Variants in KLK4 observed in about 807,000 individuals in gnomAD.
KLK4 encodes kallikrein-4.
Under a neutral mutation model 24.3 loss-of-function variants are expected in KLK4, and 24 were observed. The ratio of observed to expected loss-of-function variants is 0.99; its 90% CI spans 0.72 to 1.39. The LOEUF (loss-of-function observed/expected upper bound fraction) is 1.39. KLK4 is among the 40% of genes most tolerant of loss of function. KLK4 has a pLI of 0.00. For missense variants in KLK4, 344 were observed against 327.4 expected, an observed-to-expected ratio of 1.05 and a Z score of -0.39; for synonymous variants, 142 against 138.8, an observed-to-expected ratio of 1.02 and a Z score of -0.16.
rs2090462615 is a variant in KLK4 at position 50,909,103 on chromosome 19, T to TC, written c.224+148dup. 3 of 1,375,514 alleles carry TC rather than the reference T, an allele frequency of 2.2e-6. No homozygotes were observed. In the Admixed American group the frequency reaches 8.4e-5, roughly 39 times the overall value. The allele number at this position is 1,375,514 out of a possible 1,614,324, so 85.2% of individuals were successfully genotyped here. A position where few individuals can be genotyped will look rare whatever the true frequency, so the allele number is the denominator to read the frequency against. ...AGCAAGATTCCCGCCTCCCAGCCCT[T>TC]CCCTCTGGGGCTCCCCGGATCCAGG... On this transcript the variant is annotated intron_variant, in intron 3 of 5. Coordinates refer to ENST00000324041, the Ensembl canonical transcript of KLK4.
At chr19:50,907,464 T>C (rs918427648) in intron 5 of KLK4, among the ~76,000 whole-genome samples, 2 of 148,200 alleles carry the variant, frequency 1.3e-5, no homozygotes, top group Non-Finnish European at 3.0e-5. Context: ...TGGAGTATAG[T>C]GGTGTGATCT....
chr19:50,909,070 C>T (rs2978643), intron 3 of KLK4, 182 bp downstream of exon 3: 1 of 1,480,564 alleles, frequency 6.8e-7, no homozygotes, highest in Admixed American at 2.2e-5. Context: ...CTCTCTGAGT[C>T]CTTCCGAAGC....
At chr19:50,908,781 C>T (rs1190858971) in exon 4 of KLK4, 4 of 1,613,510 alleles carry the variant, frequency 2.5e-6, no homozygotes, top group Middle Eastern at 1.6e-4. Context: ...GGCTCCCTGG[C>T]TCTTGGTCGG....
exon 4 of KLK4, chr19:50,908,579 C>G: frequency 1.9e-6 from 3 of 1,614,204 alleles, no homozygotes; most frequent in Non-Finnish European, 2.5e-6. Context: ...GTGAGCTCAC[C>G]GTTCGCCAGC....
chr19:50,909,420 G>T lies in KLK4; in HGVS notation c.62-6C>A, dbSNP rs2090466304. ...GCTACCAGAGACGAGCGATCCTGAG[G>T]GCGGAGTCAGGGATGGGATCGGGAC... On this transcript the variant is annotated splice_polypyrimidine_tract_variant and splice_region_variant and intron_variant, in intron 2 of 5. Transcript: ENST00000324041. 2 of 1,613,926 alleles carry T rather than the reference G, an allele frequency of 1.2e-6. No homozygotes were observed. The highest frequency in any genetic ancestry group is 2.2e-5 in the East Asian group (1 of 44,876).
In KLK4 at chr19:50,909,411, G is replaced by T. The variant is rs1224760405; in HGVS notation, c.65C>A (p.Ser22Ter). The change falls in exon 3 of 6, where the codon TCG (serine) becomes TAG (stop). Residue 22 changes from serine to a stop codon, truncating the protein, a stop_gained. Transcript: ENST00000324041. LOFTEE classifies it high-confidence loss of function. ...TTGGCTGCAGCTACCAGAGACGAGC[G>T]ATCCTGAGGGCGGAGTCAGGGATGG... is the stretch of plus-strand genomic sequence containing the variant. 1.2e-6 allele frequency: 2 copies of T among 1,613,990 alleles called. No individual in the cohort carries two copies. The highest frequency in any genetic ancestry group is 1.6e-4 in the Middle Eastern group (1 of 6,062).
chr19:50,909,594 G>T (rs559626446), intron 2 of KLK4, among the ~76,000 whole-genome samples, 180 bp from the exon 3 acceptor site: 1 of 150,218 alleles, frequency 6.7e-6, no homozygotes, highest in African/African-American at 2.4e-5. Flanking sequence ...AGGGGTTACC[G>T]AGCAGGGGCG....
intron 2 of KLK4, among the ~76,000 whole-genome samples, chr19:50,909,668 AG>A (rs1306155634): frequency 7.3e-6 from 1 of 136,812 alleles, no homozygotes; most frequent in Admixed American, 7.1e-5. Context: ...GGGCGGGCCC[AG>A]GGGGCGGACC....
chr19:50,909,649 C>A lies in KLK4; in HGVS notation c.62-235G>T, dbSNP rs1327998636. On this transcript the variant is annotated intron_variant, in intron 2 of 5. Coordinates refer to ENST00000324041, the Ensembl canonical transcript of KLK4. ...AGTCAGGACTCTTGGGGGGCCGAGT[C>A]AGGGCTGGGGGCGGGCCCAGGGGGC... Among the ~76,000 whole-genome samples the A allele has an allele frequency of 2.8e-5, 4 of 141,610 alleles. 1 individual carries two copies. The East Asian group carries it at 6.3e-4, about 22-fold the overall frequency. 92.9% of individuals were successfully genotyped at this position (141,610 alleles called of 152,430 possible). A position where few individuals can be genotyped will look rare whatever the true frequency, so the allele number is the denominator to read the frequency against.
intron 1 of KLK4, among the ~76,000 whole-genome samples, chr19:50,911,035 G>A (rs1240980750): frequency 6.6e-6 from 1 of 152,166 alleles, no homozygotes; most frequent in African/African-American, 2.4e-5. Flanking sequence ...GGGAGAGATG[G>A]TGTCTAGCCA....
rs1764444179 is a variant in KLK4 at position 50,910,698 on chromosome 19, T to A, written c.41A>T (p.Tyr14Phe). 1.3e-6 allele frequency: 2 copies of A among 1,555,672 alleles called. No individual in the cohort carries two copies. The highest frequency in any genetic ancestry group is 4.8e-5 in the East Asian group (2 of 41,462). ...GATACCTGCGACACCAAGGATGAGGTACCCCAGGAACCAGCCCCAGGGATT... is the reference window on the plus strand; with the variant it reads ...GATACCTGCGACACCAAGGATGAGGAACCCCAGGAACCAGCCCCAGGGATT... Residue 14 changes from tyrosine (Y) to phenylalanine (F), a missense_variant, in exon 2 of 6, where the codon TAC becomes TTC. Tyr to Phe is a conservative substitution (Grantham distance 22). Transcript: ENST00000324041. The surrounding 1 kb of genome is among the most constrained non-coding windows in gnomAD (Gnocchi z 4.4).
chr19:50,908,797 A>G (rs777376933), exon 4 of KLK4: 1 of 1,613,552 alleles, frequency 6.2e-7, no homozygotes, highest in Non-Finnish European at 8.5e-7. Flanking sequence ...GTCGGCCTCA[A>G]GACTGTGCAG....
At position 50,910,559 on chromosome 19, in the gene KLK4, C is replaced by T. The variant is rs578182673; in HGVS notation, c.61+119G>A. 32 of 916,132 alleles carry T rather than the reference C, an allele frequency of 3.5e-5. No homozygotes were observed. Among genetic ancestry groups the T allele is most frequent in the South Asian group, 2.8e-4 (20 of 70,982 alleles). The allele number at this position is 916,132 out of a possible 1,614,324, so 56.8% of individuals were successfully genotyped here. On this transcript the variant is annotated intron_variant, in intron 2 of 5. Coordinates refer to ENST00000324041, the Ensembl canonical transcript of KLK4. This position sits in a 1 kb window ranked among gnomAD's most constrained non-coding sequence, Gnocchi z 4.4. ...GCACAGCCATGGGGGACGGATAACA[C>T]GGTACCGTCTCACAGGCAGCTTTGC...
intron 5 of KLK4, among the ~76,000 whole-genome samples, chr19:50,907,332 TTGTC>T (rs1212138465): frequency 6.6e-6 from 1 of 152,166 alleles, no homozygotes; most frequent in Non-Finnish European, 1.5e-5. Flanking sequence ...CTGTTTCTGT[TTGTC>T]TGTCTCTCCT....
chr19:50,908,521 C>T (rs1317988192), intron 4 of KLK4, 26 bp from the exon 5 acceptor site: 3 of 1,614,066 alleles, frequency 1.9e-6, no homozygotes, highest in Admixed American at 1.7e-5. Flanking sequence ...CTGGGTCAGC[C>T]CCCGCGACTG....
chr19:50,909,656 G>A (rs1482968474), intron 2 of KLK4, among the ~76,000 whole-genome samples: 1 of 151,702 alleles, frequency 6.6e-6, no homozygotes, highest in African/African-American at 2.4e-5. Flanking sequence ...AGTCAGGGCT[G>A]GGGGCGGGCC....
Position 50,906,454 on chromosome 19 carries a change from C to T in KLK4, c.*480G>A, listed in dbSNP as rs536942061. On this transcript the variant is annotated 3_prime_UTR_variant, in exon 6 of 6. Transcript: ENST00000324041. ...ACGTGCCACAAGGGGGCACTGTGTA[C>T]AGGGAGAGTCTAGGTGGCATTGGAC... The T allele has an allele frequency of 1.6e-5, 4 of 257,706 alleles. No individual in the cohort carries two copies. The East Asian group carries it at 4.1e-4, about 27-fold the overall frequency. The allele number at this position is 257,706 out of a possible 1,614,324, so 16.0% of individuals were successfully genotyped here.
At chr19:50,907,331 T>C (rs2090441765) in intron 5 of KLK4, among the ~76,000 whole-genome samples, 1 of 152,126 alleles carries the variant, frequency 6.6e-6, no homozygotes. Flanking sequence ...TCTGTTTCTG[T>C]TTGTCTGTCT....
Position 50,909,093 on chromosome 19 carries a change from T to TC in KLK4, c.224+158dup, listed in dbSNP as rs553888997. On this transcript the variant is annotated intron_variant, in intron 3 of 5. Coordinates refer to ENST00000324041, the Ensembl canonical transcript of KLK4. ...GTCCTTCCGAAGCAAGATTCCCGCC[T>TC]CCCAGCCCTTCCCTCTGGGGCTCCC... 537 of 1,397,274 alleles carry TC rather than the reference T, an allele frequency of 3.8e-4. 6 individuals are homozygous for TC. In the South Asian group the frequency reaches 7.1e-3, roughly 18 times the overall value. The allele number at this position is 1,397,274 out of a possible 1,614,324, so 86.6% of individuals were successfully genotyped here.
Sources: allele counts gnomAD v4.1 joint callset (sites outside exome capture counted in the v4.1 genomes callset), GRCh38; gene constraint gnomAD v4.1.1; non-coding constraint Gnocchi (gnomAD v3.1); transcripts MANE v1.5; gene names NCBI Gene and HGNC (gene_info 2026-07-23, HGNC 2026-07-21).